Variants in DROSHA observed in about 807,000 individuals in gnomAD.
The protein encoded by DROSHA is ribonuclease 3.
Under a neutral mutation model 181.9 loss-of-function variants are expected in DROSHA, and 56 were observed. The ratio of observed to expected loss-of-function variants is 0.31; its 90% CI spans 0.25 to 0.38. The LOEUF (loss-of-function observed/expected upper bound fraction) is 0.38, where lower values mean the gene tolerates loss of function less well. Among genes scored for constraint, DROSHA ranks in the 10% least tolerant of loss-of-function variants. The probability of loss-of-function intolerance (pLI) is 1.00; values close to 1 mark genes in which losing one functional copy is unlikely to be tolerated. For synonymous variants in DROSHA, 524 were observed against 591.2 expected (o/e 0.89, Z 1.65); for missense variants, 1,218 against 1,743.5 (o/e 0.70, Z 5.37).
intron 5 of DROSHA, 97 bp from the exon 6 acceptor site, chr5:31,521,312 C>A (rs2150060767): frequency 7.3e-7 from 1 of 1,368,314 alleles, no homozygotes; most frequent in South Asian, 1.2e-5. Flanking sequence ...TGGACCACAT[C>A]TAGGAATTTT....
intron 20 of DROSHA, among the ~76,000 whole-genome samples, chr5:31,453,851 A>G (rs936874651): frequency 1.3e-5 from 2 of 152,090 alleles, no homozygotes; most frequent in African/African-American, 4.8e-5. Flanking sequence ...CTCAGTTTTT[A>G]AAAGTATCAA....
At position 31,403,765 on chromosome 5, in the gene DROSHA, A is replaced by G. The variant is rs1255856871; in HGVS notation, c.3994+1912T>C. ...GCAGAGTTGGAGAATTGCGACAGAG[A>G]TTATATGGTCTGGGAAGTCTAAAAT... On this transcript the variant is annotated intron_variant, in intron 35 of 35. Coordinates refer to ENST00000344624, the MANE Select transcript of DROSHA (RefSeq NM_001382508.1). Among the ~76,000 whole-genome samples the G allele has an allele frequency of 2.0e-5, 3 of 152,170 alleles. No individual in the cohort carries two copies. The East Asian group carries it at 5.8e-4, about 29-fold the overall frequency.
chr5:31,509,489 C>G (rs1265989139), intron 9 of DROSHA, among the ~76,000 whole-genome samples: 4 of 152,066 alleles, frequency 2.6e-5, no homozygotes, highest in Non-Finnish European at 5.9e-5. Flanking sequence ...GGCACTGCAA[C>G]AGGATGGGAG....
In DROSHA at chr5:31,451,594, T is replaced by C. The variant is rs1747049144; in HGVS notation, c.2621A>G (p.Gln874Arg). 6.2e-7 allele frequency: 1 copy of C among 1,612,980 alleles called. No individual in the cohort carries two copies. Among genetic ancestry groups the C allele is most frequent in the Admixed American group, 1.7e-5 (1 of 59,896 alleles). ...CAACTTGTCCAAATGCATTAGGCAT[T>C]GGTGGTAGCGGATATGATGGGTCAG... ...PVLTHHIRYH[Q>R]CLMHLDKLIG... is the part of the protein sequence containing the mutation. Residue 874 changes from glutamine to arginine, a missense_variant, in exon 21 of 36, where the codon CAA becomes CGA. Gln to Arg is a conservative substitution (Grantham distance 43, BLOSUM62 1). This residue lies in a region of DROSHA where 460 missense variants were observed against 774.2 expected (regional missense o/e 0.59). Transcript: ENST00000344624.
intron 13 of DROSHA, chr5:31,486,880 T>C (rs1751836529): frequency 4.9e-6 from 1 of 205,630 alleles, no homozygotes; most frequent in Admixed American, 5.5e-5. Context: ...ACCATAACCA[T>C]AAACATTTCT....
intron 30 of DROSHA, among the ~76,000 whole-genome samples, chr5:31,412,216 C>G (rs948846579): frequency 3.3e-5 from 5 of 152,110 alleles, no homozygotes; most frequent in African/African-American, 1.2e-4. Context: ...TGGGAACTCA[C>G]CAAACAAAAA....
chr5:31,509,694 C>T (rs1738435739), intron 9 of DROSHA, among the ~76,000 whole-genome samples: 2 of 152,156 alleles, frequency 1.3e-5, no homozygotes, highest in South Asian at 4.1e-4. Context: ...CATTTCTTTT[C>T]CCTCAATAAC....
chr5:31,402,955 G>A (rs955024101), intron 35 of DROSHA, among the ~76,000 whole-genome samples: 10 of 152,034 alleles, frequency 6.6e-5, no homozygotes, highest in African/African-American at 2.4e-4. Flanking sequence ...GCTAATTTTT[G>A]TATTTTTAGT....
At chr5:31,464,986 G>A (rs1748842180) in intron 19 of DROSHA, among the ~76,000 whole-genome samples, 1 of 147,824 alleles carries the variant, frequency 6.8e-6, no homozygotes, top group Admixed American at 6.8e-5. Context: ...TATTGATTAA[G>A]TTCCTTTTAC....
intron 23 of DROSHA, among the ~76,000 whole-genome samples, chr5:31,445,344 A>G (rs1580117706): frequency 1.3e-5 from 2 of 152,216 alleles, no homozygotes; most frequent in East Asian, 3.8e-4. Flanking sequence ...AGATTCTTCA[A>G]AGGCCTCAAG....
intron 16 of DROSHA, among the ~76,000 whole-genome samples, chr5:31,474,849 T>TA (rs1485433616): frequency 6.6e-6 from 1 of 152,138 alleles, no homozygotes; most frequent in African/African-American, 2.4e-5. Flanking sequence ...TGTGAAACAG[T>TA]AAGAGGACCT....
chr5:31,425,537 G>A lies in DROSHA; in HGVS notation c.3217-1066C>T, dbSNP rs187884631. On this transcript the variant is annotated intron_variant, in intron 27 of 35. Transcript: ENST00000344624. Reference sequence around the variant, plus strand: ...CCTAAGTGGACATTTATCAAACTTCGGGCCCTTGCCTGACCTATTCATTAC... The same window carrying A: ...CCTAAGTGGACATTTATCAAACTTCAGGCCCTTGCCTGACCTATTCATTAC... Among the ~76,000 whole-genome samples the A allele has an allele frequency of 2.8e-3, 428 of 151,632 alleles. 1 individual carries two copies. Among genetic ancestry groups the A allele is most frequent in the African/African-American group, 9.7e-3 (401 of 41,330 alleles).
At chr5:31,455,152 CAAG>C (rs1231822293) in intron 20 of DROSHA, among the ~76,000 whole-genome samples, 2 of 151,488 alleles carry the variant, frequency 1.3e-5, no homozygotes, top group African/African-American at 4.8e-5. Context: ...CAAGATTAAA[CAAG>C]AAGGAACACA....
At chr5:31,505,695 G>A (rs1737850347) in intron 10 of DROSHA, 1 of 152,144 alleles carries the variant, frequency 6.6e-6, no homozygotes, top group Non-Finnish European at 1.5e-5. Context: ...GCTGGTCAGA[G>A]TGTAATGGAT....
In DROSHA at chr5:31,529,091, C is replaced by A; in HGVS notation, c.-32G>T. ...CCGCCTGGATATGTCACATCTTCCA[C>A]AGAGAATATAAGCTCTAAAAAACAG... is the stretch of plus-strand genomic sequence containing the variant. On this transcript the variant is annotated 5_prime_UTR_variant, in exon 4 of 36. Transcript: ENST00000344624. The A allele has an allele frequency of 6.2e-7, 1 of 1,611,172 alleles. No individual in the cohort carries two copies. Among genetic ancestry groups the A allele is most frequent in the Non-Finnish European group, 8.5e-7 (1 of 1,178,790 alleles).
At chr5:31,407,280 AAAGTT>A (rs1365933010) in intron 33 of DROSHA, among the ~76,000 whole-genome samples, 2 of 152,226 alleles carry the variant, frequency 1.3e-5, no homozygotes, top group African/African-American at 2.4e-5. Flanking sequence ...TTTATCATGA[AAAGTT>A]AAGAGCTCCT....
intron 25 of DROSHA, among the ~76,000 whole-genome samples, chr5:31,434,596 A>G (rs1463867552): frequency 6.6e-6 from 1 of 152,264 alleles, no homozygotes; most frequent in Non-Finnish European, 1.5e-5. Flanking sequence ...TGTTATTGCT[A>G]ACACATAAGC....
chr5:31,454,284 T>C (rs989686774), intron 20 of DROSHA, among the ~76,000 whole-genome samples: 3 of 151,920 alleles, frequency 2.0e-5, no homozygotes, highest in Admixed American at 6.6e-5. Context: ...AAACAAAAAC[T>C]GAAGCTCCCT....
intron 12 of DROSHA, 21 bp from the exon 13 acceptor site, chr5:31,493,314 G>A (rs200013183): frequency 4.1e-4 from 652 of 1,572,044 alleles, no homozygotes; most frequent in Non-Finnish European, 5.4e-4. Context: ...ACAGAAACAC[G>A]AACCCCAAAT....
Sources: gnomAD v4.1 joint callset for allele counts (sites outside exome capture counted in the v4.1 genomes callset) on GRCh38, gnomAD v4.1.1 for gene constraint, gnomAD v4.1.1 regional missense constraint, MANE v1.5 for transcripts, NCBI Gene and HGNC (gene_info 2026-07-23, HGNC 2026-07-21) for gene names.